Variants in CSMD3 observed in about 807,000 individuals in gnomAD.
The protein encoded by CSMD3 is CUB and sushi domain-containing protein 3.
CSMD3 carries 177 observed loss-of-function variants against 435.2 expected under a neutral mutation model. The ratio of observed to expected loss-of-function variants is 0.41; its 90% confidence interval spans 0.36 to 0.46. CSMD3 has a LOEUF of 0.46. CSMD3 is among the 20% of genes least tolerant of loss of function. The probability of loss-of-function intolerance (pLI) is 0.34; values close to 1 mark genes in which losing one functional copy is unlikely to be tolerated. For missense variants in CSMD3, 4,265 were observed against 4,504.6 expected (o/e 0.95, Z 1.52); for synonymous variants, 1,656 against 1,520.5 (o/e 1.09, Z -2.07).
chr8:113,102,467 G>A (rs935978227), intron 4 of CSMD3, among the ~76,000 whole-genome samples: 2 of 152,114 alleles, frequency 1.3e-5, no homozygotes, highest in Non-Finnish European at 2.9e-5. Context: ...TTCTCATGGA[G>A]TATTCTATTA....
intron 30 of CSMD3, among the ~76,000 whole-genome samples, chr8:112,497,621 C>A (rs765389838): frequency 6.6e-6 from 1 of 151,494 alleles, no homozygotes; most frequent in African/African-American, 2.4e-5. Context: ...ATATATGTTA[C>A]AAAAGACAAA....
chr8:113,183,733 T>G (rs2092457523), intron 3 of CSMD3, among the ~76,000 whole-genome samples: 1 of 151,976 alleles, frequency 6.6e-6, no homozygotes, highest in Non-Finnish European at 1.5e-5. Context: ...TGTTTACATT[T>G]TGGGGGTACA....
At chr8:113,337,953 T>C (rs1413862889) in intron 1 of CSMD3, among the ~76,000 whole-genome samples, 1 of 151,968 alleles carries the variant, frequency 6.6e-6, no homozygotes, top group African/African-American at 2.4e-5. Flanking sequence ...AATAAATATA[T>C]GCAATTTTTA....
In CSMD3 at chr8:112,661,144, A is replaced by G. The variant is rs555080343; in HGVS notation, c.2817-4803T>C. ...AAAAGATTTGTGTCTTAATCAATAG[A>G]TAAAAGAATAAGAAAGTGGCAGAGT... is the stretch of plus-strand genomic sequence containing the variant. On this transcript the variant is annotated intron_variant, in intron 17 of 70. Transcript: ENST00000297405. Among the ~76,000 whole-genome samples the G allele has an allele frequency of 2.6e-5, 4 of 152,346 alleles. No individual in the cohort carries two copies. The East Asian group carries it at 7.7e-4, about 29-fold the overall frequency.
intron 10 of CSMD3, among the ~76,000 whole-genome samples, chr8:112,888,623 C>T (rs1455728605): frequency 6.6e-6 from 1 of 151,622 alleles, no homozygotes; most frequent in Non-Finnish European, 1.5e-5. Context: ...TGTAAAATTC[C>T]TCTCAGAAAA....
intron 3 of CSMD3, among the ~76,000 whole-genome samples, chr8:113,212,109 T>G (rs1486593986): frequency 1.3e-5 from 2 of 152,116 alleles, no homozygotes; most frequent in African/African-American, 4.8e-5. Flanking sequence ...GACCCAATAT[T>G]TAAAAGTTTA....
At position 113,084,637 on chromosome 8, in the gene CSMD3, AAC is replaced by A. The variant is rs1272811354; in HGVS notation, c.917+14117_917+14118del. ...TGAATGGAACCAAAAAAAAAAAAAA[AAC>A]CCATGAATATCCAAAGCAATACTAA... is the stretch of plus-strand genomic sequence containing the variant. On this transcript the variant is annotated intron_variant, in intron 5 of 70. Coordinates refer to ENST00000297405, the MANE Select transcript of CSMD3 (RefSeq NM_198123.2). Among the ~76,000 whole-genome samples the A allele has an allele frequency of 6.4e-3, 951 of 148,858 alleles. 12 individuals are homozygous for A. The highest frequency in any genetic ancestry group is 0.022 in the African/African-American group (912 of 41,000).
chr8:113,265,988 A>G (rs1031570490), intron 3 of CSMD3, among the ~76,000 whole-genome samples: 3 of 151,538 alleles, frequency 2.0e-5, no homozygotes, highest in Admixed American at 6.6e-5. Flanking sequence ...ACTTTTTATG[A>G]ACCTAACCTA....
At chr8:112,772,751 C>A (rs564088111) in intron 13 of CSMD3, among the ~76,000 whole-genome samples, 1 of 152,008 alleles carries the variant, frequency 6.6e-6, no homozygotes, top group Non-Finnish European at 1.5e-5. Context: ...AGGGGAAAAC[C>A]GCCTTAGGGC....
At position 112,748,478 on chromosome 8, in the gene CSMD3, C is replaced by T. The variant is rs144555612; in HGVS notation, c.1972+51684G>A. On this transcript the variant is annotated intron_variant, in intron 13 of 70. Transcript: ENST00000297405. ...CAGTACCCAATAGTTATCTTTTCTG[C>T]GCCTCTCCCTCCTCCCACCCTCCCG... 8.0e-4 allele frequency among the ~76,000 whole-genome samples: 121 copies of T among 152,048 alleles called. No individual in the cohort carries two copies. The East Asian group carries it at 0.014, about 18-fold the overall frequency.
intron 31 of CSMD3, among the ~76,000 whole-genome samples, chr8:112,478,525 C>T (rs1193670393): frequency 3.9e-5 from 6 of 152,156 alleles, no homozygotes; most frequent in African/African-American, 1.4e-4. Context: ...TGTTCATGTC[C>T]TAGTACATGT....
At chr8:112,925,585 G>T (rs943971069) in intron 9 of CSMD3, among the ~76,000 whole-genome samples, 4 of 151,828 alleles carry the variant, frequency 2.6e-5, no homozygotes, top group Non-Finnish European at 5.9e-5. Flanking sequence ...TCATCTCTTT[G>T]TGCATTGCTT....
At chr8:113,328,266 G>A (rs1222971826) in intron 1 of CSMD3, among the ~76,000 whole-genome samples, 1 of 151,048 alleles carries the variant, frequency 6.6e-6, no homozygotes, top group African/African-American at 2.4e-5. Context: ...GTGAAACCCC[G>A]TCTCTACTAA....
chr8:112,959,003 A>G (rs907900468), intron 7 of CSMD3, among the ~76,000 whole-genome samples: 1 of 152,138 alleles, frequency 6.6e-6, no homozygotes, highest in African/African-American at 2.4e-5. Context: ...TATAACTTAA[A>G]GTAATAAAAC....
chr8:113,102,721 C>T (rs1446861523), intron 4 of CSMD3, among the ~76,000 whole-genome samples: 1 of 152,062 alleles, frequency 6.6e-6, no homozygotes, highest in African/African-American at 2.4e-5. Flanking sequence ...GACACTTTTA[C>T]CAAGGTAATG....
At chr8:112,370,904 T>G (rs1828330677) in intron 38 of CSMD3, among the ~76,000 whole-genome samples, 1 of 152,150 alleles carries the variant, frequency 6.6e-6, no homozygotes, top group African/African-American at 2.4e-5. Flanking sequence ...TCAGTAAATA[T>G]TTGTTGAATG....
intron 32 of CSMD3, among the ~76,000 whole-genome samples, chr8:112,427,124 A>T (rs1813142584): frequency 6.6e-6 from 1 of 152,206 alleles, no homozygotes; most frequent in South Asian, 2.1e-4. Flanking sequence ...CTTGTGATTG[A>T]TGGCTTCCTG....
chr8:112,641,720 C>T (rs2074833950), intron 20 of CSMD3, among the ~76,000 whole-genome samples: 1 of 152,032 alleles, frequency 6.6e-6, no homozygotes. Flanking sequence ...CACCTGTAGT[C>T]CCACCTACTC....
chr8:113,407,367 T>G (rs1428387285), intron 1 of CSMD3, among the ~76,000 whole-genome samples: 1 of 152,128 alleles, frequency 6.6e-6, no homozygotes, highest in Non-Finnish European at 1.5e-5. Context: ...TGAGCCACCA[T>G]GTACAATAAC....
Sources: gnomAD v4.1 joint callset for allele counts (sites outside exome capture counted in the v4.1 genomes callset) on GRCh38, gnomAD v4.1.1 for gene constraint, MANE v1.5 for transcripts, NCBI Gene and HGNC (gene_info 2026-07-23, HGNC 2026-07-21) for gene names.